Variants in BANK1 observed in about 807,000 individuals in gnomAD.
BANK1 encodes the protein B cell scaffold protein with ankyrin repeats 1, also known as B-cell scaffold protein with ankyrin repeats.
Under a neutral mutation model 94.5 loss-of-function variants are expected in BANK1, and 95 were observed. That is an observed-to-expected ratio of 1.00 (90% CI 0.85 to 1.19). The LOEUF (loss-of-function observed/expected upper bound fraction) is 1.19, where lower values mean the gene tolerates loss of function less well. Ranked by LOEUF, BANK1 falls within the 50% of genes most tolerant of loss-of-function variation. The pLI is 0.00. For missense variants in BANK1, 987 were observed against 932.2 expected, an observed-to-expected ratio of 1.06 and a Z score of -0.77; for synonymous variants, 334 against 308.4, an observed-to-expected ratio of 1.08 and a Z score of -0.87.
At chr4:101,818,474 A>G (rs190311541) in intron 1 of BANK1, among the ~76,000 whole-genome samples, 1 of 152,194 alleles carries the variant, frequency 6.6e-6, no homozygotes, top group African/African-American at 2.4e-5. Flanking sequence ...AACCACCATT[A>G]TATCTTCATC....
intron 7 of BANK1, chr4:101,972,572 A>G (rs1157860871): frequency 6.6e-6 from 1 of 152,036 alleles, no homozygotes; most frequent in Non-Finnish European, 1.5e-5. Context: ...TAGCTTCACA[A>G]TCCTATTCAT....
At position 101,862,620 on chromosome 4, in the gene BANK1, G is replaced by A. The variant is rs559837155; in HGVS notation, c.719G>A (p.Arg240Gln). 2.7e-5 allele frequency: 43 copies of A among 1,609,786 alleles called. No homozygotes were observed. The highest frequency in any genetic ancestry group is 1.8e-4 in the South Asian group (16 of 90,266). ...TCAAGTAATAAGCGCATTAGAACAC[G>A]GCCAGCCCTTTGGAATAAGAAAGTC... is the stretch of plus-strand genomic sequence containing the variant. ...FTSSNKRIRT[R>Q]PALWNKKVWC... The change falls in exon 4 of 17, where the codon CGG becomes CAG. Residue 240 changes from arginine to glutamine, a missense_variant. Physicochemically the swap from Arg to Gln is conservative, Grantham distance 43. Transcript: ENST00000322953.
At chr4:102,049,159 T>C (rs978513416) in intron 11 of BANK1, among the ~76,000 whole-genome samples, 14 of 152,310 alleles carry the variant, frequency 9.2e-5, no homozygotes, top group African/African-American at 3.4e-4. Context: ...TAAGGGAAGA[T>C]GGCTTTCCAG....
chr4:101,798,380 A>C (rs964879715), intron 1 of BANK1, among the ~76,000 whole-genome samples: 3 of 152,234 alleles, frequency 2.0e-5, no homozygotes, highest in Admixed American at 6.5e-5. Context: ...CGATGGCGTC[A>C]CACCAAAGGG....
At position 101,935,020 on chromosome 4, in the gene BANK1, A is replaced by G. The variant is rs572266213; in HGVS notation, c.1206+16831A>G. ...TCATCTGCCATTCTAATTCCCATTT[A>G]TTTTAGTTCAACTTTTTCTTTTTGC... On this transcript the variant is annotated intron_variant, in intron 7 of 16. Coordinates refer to ENST00000322953, the MANE Select transcript of BANK1 (RefSeq NM_017935.5). Among the ~76,000 whole-genome samples the G allele has an allele frequency of 2.6e-5, 4 of 151,574 alleles. No individual in the cohort carries two copies. The South Asian group carries it at 8.3e-4, about 31-fold the overall frequency.
At chr4:101,862,189 G>A (rs538998266) in intron 3 of BANK1, among the ~76,000 whole-genome samples, 1 of 152,160 alleles carries the variant, frequency 6.6e-6, no homozygotes, top group East Asian at 1.9e-4. Flanking sequence ...CCTTCTGCTG[G>A]TCTGCGAAAT....
chr4:101,899,970 C>T (rs1722220147), intron 6 of BANK1, among the ~76,000 whole-genome samples: 1 of 152,210 alleles, frequency 6.6e-6, no homozygotes, highest in African/African-American at 2.4e-5. Context: ...GTAAGCCCTT[C>T]TCCACTTTTC....
intron 1 of BANK1, among the ~76,000 whole-genome samples, chr4:101,807,940 C>T (rs1725614759): frequency 6.6e-6 from 1 of 151,746 alleles, no homozygotes; most frequent in Admixed American, 6.6e-5. Context: ...AAAAAATTAG[C>T]TGGCTGTGGT....
chr4:101,906,463 G>T (rs1198420354), intron 6 of BANK1, among the ~76,000 whole-genome samples: 1 of 152,148 alleles, frequency 6.6e-6, no homozygotes, highest in African/African-American at 2.4e-5. Context: ...AGTCACTGGG[G>T]CAACCACTTT....
intron 5 of BANK1, among the ~76,000 whole-genome samples, chr4:101,872,215 A>G (rs1449664965): frequency 6.6e-6 from 1 of 152,148 alleles, no homozygotes; most frequent in African/African-American, 2.4e-5. Context: ...AATTACTCTA[A>G]CCCAGTGGCA....
chr4:101,792,277 C>T (rs933648564), intron 1 of BANK1, among the ~76,000 whole-genome samples: 12 of 146,640 alleles, frequency 8.2e-5, no homozygotes, highest in African/African-American at 2.7e-4. Flanking sequence ...CCGCCCCTCC[C>T]AACTCCTTGG....
At chr4:101,822,553 A>G (rs1232355102) in intron 1 of BANK1, among the ~76,000 whole-genome samples, 1 of 151,742 alleles carries the variant, frequency 6.6e-6, no homozygotes, top group Non-Finnish European at 1.5e-5. Context: ...TGATCACAGC[A>G]TTCTCTTCTT....
rs559257992 is a variant in BANK1 at position 101,987,073 on chromosome 4, A to G, written c.1207-34441A>G. Among the ~76,000 whole-genome samples the G allele has an allele frequency of 7.3e-5, 11 of 151,106 alleles. No individual in the cohort carries two copies. The East Asian group carries it at 2.1e-3, about 29-fold the overall frequency. On this transcript the variant is annotated intron_variant, in intron 7 of 16. Transcript: ENST00000322953. The stretch of plus-strand genomic sequence containing the variant: ...GAAGTTGCCCAACCAATTAGAGACA[A>G]AAGTATGAGGCTGGAGCTGGGCTTC...
intron 1 of BANK1, among the ~76,000 whole-genome samples, chr4:101,799,702 A>G (rs896093624): frequency 2.0e-5 from 3 of 151,926 alleles, no homozygotes; most frequent in African/African-American, 4.8e-5. Flanking sequence ...GTGAAACCCC[A>G]TCTCTACTAA....
At chr4:101,972,424 TTACTC>T (rs935273726) in intron 7 of BANK1, 4 of 152,100 alleles carry the variant, frequency 2.6e-5, no homozygotes, top group African/African-American at 9.7e-5. Flanking sequence ...CAGAGAGTCT[TTACTC>T]TAAAGACCTT....
intron 7 of BANK1, among the ~76,000 whole-genome samples, chr4:102,005,267 T>A (rs1055949087): frequency 2.6e-5 from 4 of 152,086 alleles, no homozygotes; most frequent in Non-Finnish European, 4.4e-5. Flanking sequence ...TTCTCTTAAT[T>A]TTTTTCTGTT....
intron 10 of BANK1, among the ~76,000 whole-genome samples, chr4:102,039,887 G>C (rs1244867211): frequency 6.6e-6 from 1 of 152,048 alleles, no homozygotes; most frequent in Non-Finnish European, 1.5e-5. Flanking sequence ...CTATTTTCAA[G>C]CATTATCATC....
At chr4:101,906,698 C>G (rs1488882731) in intron 6 of BANK1, among the ~76,000 whole-genome samples, 1 of 152,202 alleles carries the variant, frequency 6.6e-6, no homozygotes, top group Non-Finnish European at 1.5e-5. Context: ...AGACCCCACA[C>G]CTGTACCATT....
At chr4:101,888,307 A>G (rs1046230770) in intron 5 of BANK1, among the ~76,000 whole-genome samples, 12 of 152,206 alleles carry the variant, frequency 7.9e-5, no homozygotes, top group African/African-American at 2.9e-4. Context: ...ACAACGAGAC[A>G]CAAGGGGACA....
Sources: allele counts gnomAD v4.1 joint callset (sites outside exome capture counted in the v4.1 genomes callset), GRCh38; gene constraint gnomAD v4.1.1; transcripts MANE v1.5; gene names NCBI Gene and HGNC (gene_info 2026-07-23, HGNC 2026-07-21).